The following ABCC8 variants were observed in gnomAD, a reference collection of about 807,000 sequenced individuals.
ABCC8 encodes the protein ATP binding cassette subfamily C member 8, also known as ATP-binding cassette sub-family C member 8.
In ABCC8, 137 loss-of-function variants were observed where a neutral mutation model predicts 188.0. That is an observed-to-expected ratio of 0.73 (90% CI 0.63 to 0.84). The LOEUF is 0.84. ABCC8 is among the 40% of genes least tolerant of loss of function. The probability of loss-of-function intolerance (pLI) is 0.00; values close to 1 mark genes in which losing one functional copy is unlikely to be tolerated. For synonymous variants in ABCC8, 797 were observed against 846.5 expected (o/e 0.94, Z 1.01); for missense variants, 1,750 against 2,072.7 (o/e 0.84, Z 3.02).
At chr11:17,445,400 G>C (rs1956484816) in intron 8 of ABCC8, among the ~76,000 whole-genome samples, 1 of 152,138 alleles carries the variant, frequency 6.6e-6, no homozygotes, top group Non-Finnish European at 1.5e-5. Context: ...TGTGATGATG[G>C]CTGCACAGCT....
At position 17,407,011 on chromosome 11, in the gene ABCC8, C is replaced by T. The variant is rs17846762; in HGVS notation, c.3039G>A (p.Ser1013=). 8.2e-5 allele frequency: 132 copies of T among 1,614,212 alleles called. 2 individuals carry two copies. In the East Asian group the frequency reaches 1.5e-3, roughly 19 times the overall value. The change falls in exon 25 of 39, where the codon TCG becomes TCA. Residue 1013 remains serine (S), a synonymous_variant. Transcript: ENST00000389817. Reference sequence around the variant, plus strand: ...TGAGCAGCTGTGAGAAGACCAGCAACGACAGGAGCAGGATGCCGGCGGAGG... The same window carrying T: ...TGAGCAGCTGTGAGAAGACCAGCAATGACAGGAGCAGGATGCCGGCGGAGG... ...YLSSAGILLL[S]LLVFSQLLKH...
chr11:17,445,966 CT>C (rs66845960), intron 8 of ABCC8, among the ~76,000 whole-genome samples: 7,539 of 134,196 alleles, frequency 0.056, 195 homozygotes, highest in South Asian at 0.083. Flanking sequence ...AACCTGATTT[CT>C]TTTTTTTTTT....
At chr11:17,450,251 T>C (rs968627162) in intron 7 of ABCC8, among the ~76,000 whole-genome samples, 1 of 52,572 alleles carries the variant, frequency 1.9e-5, no homozygotes, top group Non-Finnish European at 4.1e-5. Flanking sequence ...TCTTTTTCTT[T>C]CTTTCTTTCT....
intron 31 of ABCC8, 111 bp downstream of exon 31, chr11:17,397,573 T>C (rs569739412): frequency 2.8e-4 from 417 of 1,465,950 alleles, no homozygotes; most frequent in Non-Finnish European, 3.7e-4. Context: ...TGGCATCAGA[T>C]GCAAATGAAA....
chr11:17,460,714 G>A (rs1591886072), intron 5 of ABCC8, 38 bp from the exon 6 acceptor site: 3 of 1,601,488 alleles, frequency 1.9e-6, no homozygotes, highest in African/African-American at 1.3e-5. Context: ...GAGTGCCTGA[G>A]GGCTAATTCA....
chr11:17,415,956 G>T (rs1462790084), intron 17 of ABCC8, among the ~76,000 whole-genome samples: 1 of 152,208 alleles, frequency 6.6e-6, no homozygotes, highest in Non-Finnish European at 1.5e-5. Context: ...AGCTGCTCCC[G>T]TGTCAAATAT....
At position 17,394,314 on chromosome 11, in the gene ABCC8, G is replaced by C. The variant is rs1388321223; in HGVS notation, c.4497C>G (p.Thr1499=). The stretch of plus-strand genomic sequence containing the variant: ...TGGCCTCGTCCATGATGAAGATGCT[G>C]GTCTTCCTCACGAAGGCCCGGGCCA... ...FCLARAFVRK[T]SIFIMDEATA... The change falls in exon 37 of 39, where the codon ACC becomes ACG. Residue 1499 remains threonine (T), a synonymous_variant. Coordinates refer to ENST00000389817, the MANE Select transcript of ABCC8 (RefSeq NM_000352.6). 1.2e-6 allele frequency: 2 copies of C among 1,613,902 alleles called. No individual in the cohort carries two copies. The highest frequency in any genetic ancestry group is 1.3e-5 in the African/African-American group (1 of 74,930).
At position 17,404,782 on chromosome 11, in the gene ABCC8, G is replaced by A. The variant is rs1954435350; in HGVS notation, c.3400-113C>T. ...TTATTTTTTGATCCTTTATTTTTTTGAGACTGAGTCTCACTGTTGCCCAGA... is the reference window on the plus strand; with the variant it reads ...TTATTTTTTGATCCTTTATTTTTTTAAGACTGAGTCTCACTGTTGCCCAGA... On this transcript the variant is annotated intron_variant, in intron 27 of 38. Coordinates refer to ENST00000389817, the MANE Select transcript of ABCC8 (RefSeq NM_000352.6). This position sits in a 1 kb window ranked among gnomAD's most constrained non-coding sequence, Gnocchi z 4.7. 2.0e-6 allele frequency: 3 copies of A among 1,475,632 alleles called. No homozygotes were observed. The highest frequency in any genetic ancestry group is 2.8e-6 in the Non-Finnish European group (3 of 1,087,740). 91.4% of individuals were successfully genotyped at this position (1,475,632 alleles called of 1,614,324 possible). A position where few individuals can be genotyped will look rare whatever the true frequency, so the allele number is the denominator to read the frequency against.
intron 10 of ABCC8, among the ~76,000 whole-genome samples, chr11:17,438,425 G>C (rs577253115): frequency 1.3e-5 from 2 of 152,324 alleles, no homozygotes; most frequent in South Asian, 4.2e-4. Flanking sequence ...AAGACTGGGA[G>C]GGCCAGGGCC....
chr11:17,399,297 A>C (rs111237251), intron 29 of ABCC8, among the ~76,000 whole-genome samples: 5,778 of 124,366 alleles, frequency 0.046, 716 homozygotes, highest in African/African-American at 0.17. Flanking sequence ...AAAAAAAAAA[A>C]AAAAAAACAA....
intron 8 of ABCC8, chr11:17,444,316 C>T (rs1241547692): frequency 6.6e-6 from 1 of 152,258 alleles, no homozygotes; most frequent in Non-Finnish European, 1.5e-5. Context: ...CATCACCCTC[C>T]TGGACTTATC....
intron 6 of ABCC8, among the ~76,000 whole-genome samples, chr11:17,458,418 C>A (rs1591878973): frequency 6.6e-6 from 1 of 152,372 alleles, no homozygotes; most frequent in Admixed American, 6.5e-5. Flanking sequence ...GCACGTCCTG[C>A]CTCAGAGCTC....
At chr11:17,437,928 G>A (rs1445691760) in intron 10 of ABCC8, among the ~76,000 whole-genome samples, 1 of 152,174 alleles carries the variant, frequency 6.6e-6, no homozygotes, top group Non-Finnish European at 1.5e-5. Context: ...GCGAAACCCT[G>A]TCTCTACTAA....
chr11:17,434,602 G>C (rs1367536656), intron 10 of ABCC8, among the ~76,000 whole-genome samples: 1 of 152,166 alleles, frequency 6.6e-6, no homozygotes, highest in Non-Finnish European at 1.5e-5. Context: ...CATCAGCCGT[G>C]GGGGAGATTT....
At chr11:17,428,541 A>G in intron 13 of ABCC8, 24 bp downstream of exon 13, 2 of 1,613,752 alleles carry the variant, frequency 1.2e-6, no homozygotes, top group Non-Finnish European at 1.7e-6. Context: ...TGCTGGGAGT[A>G]GCAAGGGGAG....
intron 8 of ABCC8, among the ~76,000 whole-genome samples, chr11:17,443,770 C>T (rs534942051): frequency 7.6e-4 from 116 of 152,278 alleles, no homozygotes; most frequent in Non-Finnish European, 1.2e-3. Context: ...TCCGAGAATT[C>T]GCTTTTCATT....
At chr11:17,465,464 G>A (rs1046907687) in intron 3 of ABCC8, 1 of 152,392 alleles carries the variant, frequency 6.6e-6, no homozygotes, top group Non-Finnish European at 1.5e-5. Context: ...GTCACACAGG[G>A]AATTAGCAGT....
At chr11:17,429,026 C>A in intron 12 of ABCC8, 1 of 331,754 alleles carries the variant, frequency 3.0e-6, no homozygotes, top group Non-Finnish European at 5.7e-6. Flanking sequence ...GAATCAATAG[C>A]TAGTATTTTG....
rs567140138 is a variant in ABCC8, at chr11:17,447,010, CTG to C, written c.1332+1504_1332+1505del. ...AAGACTCTGGGGGCCACTCTGCCTG[CTG>C]TGTTACTTACATTATCTAACTGAAT... On this transcript the variant is annotated intron_variant, in intron 8 of 38. Transcript: ENST00000389817. 2.8e-3 allele frequency among the ~76,000 whole-genome samples: 426 copies of C among 152,324 alleles called. 1 individual carries two copies. Among genetic ancestry groups the C allele is most frequent in the African/African-American group, 9.9e-3 (412 of 41,572 alleles).
Sources: allele counts gnomAD v4.1 joint callset (sites outside exome capture counted in the v4.1 genomes callset), GRCh38; gene constraint gnomAD v4.1.1; non-coding constraint Gnocchi (gnomAD v3.1); transcripts MANE v1.5; gene names NCBI Gene and HGNC (gene_info 2026-07-23, HGNC 2026-07-21).